Variants in ARSH observed in about 807,000 individuals in gnomAD.
The protein encoded by ARSH is arylsulfatase H.
Under a neutral mutation model 28.7 loss-of-function variants are expected in ARSH, and 32 were observed. That is an observed-to-expected ratio of 1.11 (90% CI 0.84 to 1.50). ARSH has a LOEUF of 1.50. Ranked by LOEUF, ARSH falls within the 40% of genes most tolerant of loss-of-function variation. The pLI is 0.00. For synonymous variants in ARSH, 176 were observed against 177.3 expected (o/e 0.99, Z 0.06); for missense variants, 440 against 452.4 (o/e 0.97, Z 0.25).
At chrX:3,012,121 G>A (rs2089848431) in intron 2 of ARSH, among the ~76,000 whole-genome samples, 1 of 112,379 alleles carries the variant, frequency 8.9e-6, no homozygotes, top group Admixed American at 9.5e-5. Flanking sequence ...ACAGGCGTAA[G>A]CCACTGAGCC....
chrX:3,023,886 T>G (rs1025516097), intron 5 of ARSH, 135 bp from the exon 6 acceptor site: 1 of 593,659 alleles, frequency 1.7e-6, no homozygotes, highest in Non-Finnish European at 2.5e-6. Flanking sequence ...ATTATATGAT[T>G]AATTATACAA....
At chrX:3,014,813 C>G (rs1462940372) in intron 3 of ARSH, among the ~76,000 whole-genome samples, 157 bp from the exon 4 acceptor site, 2 of 111,666 alleles carry the variant, frequency 1.8e-5, no homozygotes, top group Non-Finnish European at 3.8e-5. Flanking sequence ...GGTGGCATGT[C>G]TATACCAGGG....
intron 3 of ARSH, 89 bp from the exon 4 acceptor site, chrX:3,014,860 AACAGAATGAAAGTTATATTTG>A: frequency 1.3e-6 from 1 of 775,776 alleles, no homozygotes; most frequent in African/African-American, 2.1e-5. Flanking sequence ...CCATGATGAC[AACAGAATGAAAGTTATATTTG>A]ACTTTTCCAA....
chrX:3,009,559 G>A (rs1293065932), intron 1 of ARSH, among the ~76,000 whole-genome samples: 5 of 110,555 alleles, frequency 4.5e-5, no homozygotes, highest in Non-Finnish European at 9.5e-5. Flanking sequence ...GAGAGGCTGA[G>A]GTGGGAGGAT....
chrX:3,024,019 A>G lies in ARSH; in HGVS notation c.902-2A>G, dbSNP rs775902662. On this transcript the variant is annotated splice_acceptor_variant, in intron 5 of 8. Transcript: ENST00000381130. LOFTEE classifies it high-confidence loss of function. The stretch of plus-strand genomic sequence containing the variant: ...CGTCTTTGTGTCTCTGACCCTCTCC[A>G]GGTAAAATCCTGGATGCCCTGGACC... 4.1e-6 allele frequency: 5 copies of G among 1,210,132 alleles called. No individual in the cohort carries two copies. In the South Asian group the frequency reaches 8.8e-5, roughly 21 times the overall value.
At position 3,033,602 on chromosome X, in the gene ARSH, C is replaced by G. The variant is rs2089921217; in HGVS notation, c.*217C>G. On this transcript the variant is annotated 3_prime_UTR_variant, in exon 9 of 9. Transcript: ENST00000381130. Reference sequence around the variant, plus strand: ...GGAGCATTTGTTGTATAATTTTTTTCTAGTATATAATTGTGCCATTGCCCA... The same window carrying G: ...GGAGCATTTGTTGTATAATTTTTTTGTAGTATATAATTGTGCCATTGCCCA... The G allele has an allele frequency of 3.1e-6, 1 of 326,731 alleles. No homozygotes were observed. Among genetic ancestry groups the G allele is most frequent in the African/African-American group, 2.6e-5 (1 of 38,263 alleles). 26.9% of individuals were successfully genotyped at this position (326,731 alleles called of 1,213,427 possible). A position where few individuals can be genotyped will look rare whatever the true frequency, so the allele number is the denominator to read the frequency against.
At chrX:3,008,462 T>C (rs1255386821) in intron 1 of ARSH, among the ~76,000 whole-genome samples, 5 of 64,793 alleles carry the variant, frequency 7.7e-5, no homozygotes, top group Non-Finnish European at 1.5e-4. Flanking sequence ...TCTTTCTTTC[T>C]TTCTTTCTTT....
At chrX:3,020,639 GCTGC>G (rs1319865739) in intron 5 of ARSH, among the ~76,000 whole-genome samples, 2 of 108,562 alleles carry the variant, frequency 1.8e-5, no homozygotes, top group African/African-American at 6.7e-5. Context: ...GTGCTGCCAG[GCTGC>G]CAGTAAGGCA....
intron 2 of ARSH, among the ~76,000 whole-genome samples, chrX:3,012,472 C>T (rs1221322528): frequency 4.8e-5 from 4 of 82,761 alleles, no homozygotes; most frequent in East Asian, 4.6e-4. Flanking sequence ...ACCTGGGAGG[C>T]GGAGGTTGCA....
Position 3,015,358 on chromosome X carries a change from C to T in ARSH, c.729C>T (p.Ser243=). The change falls in exon 4 of 9, where the codon TCC becomes TCT. Residue 243 remains serine (S), a synonymous_variant. Coordinates refer to ENST00000381130, the MANE Select transcript of ARSH (RefSeq NM_001011719.2). ...QQPMKEEKVA[S]LMLKEALAFI... ...CAATGAAAGAGGAGAAAGTAGCTTC[C>T]CTCATGCTGAAGGAGGCACTTGCTT... 3 of 1,211,466 alleles carry T rather than the reference C, an allele frequency of 2.5e-6. No individual in the cohort carries two copies. The highest frequency in any genetic ancestry group is 5.9e-5 in the East Asian group (2 of 33,853).
At position 3,007,751 on chromosome X, in the gene ARSH, A is replaced by G. The variant is rs374881563; in HGVS notation, c.92+1047A>G. Among the ~76,000 whole-genome samples the G allele has an allele frequency of 4.1e-5, 4 of 97,184 alleles. No homozygotes were observed. In the East Asian group the frequency reaches 1.3e-3, roughly 32 times the overall value. The allele number at this position is 97,184 out of a possible 115,157, so 84.4% of individuals were successfully genotyped here. On this transcript the variant is annotated intron_variant, in intron 1 of 8. Transcript: ENST00000381130. ...AGACTGGGTGGCTTAGAAACAACAG[A>G]CATTGATTCTCCCACAGTCCTGGAG...
Position 3,033,307 on chromosome X carries a change from A to G in ARSH, c.1611A>G (p.Pro537=), listed in dbSNP as rs61978642. Residue 537 remains proline (P), a synonymous_variant, in exon 9 of 9, where the codon CCA becomes CCG. Transcript: ENST00000381130. ...QFSVFNTIWK[P]WLQPCCGTFP... is the part of the protein sequence containing the mutation. ...CTGTGTTCAACACAATTTGGAAACCATGGCTGCAGCCTTGCTGTGGGACCT... is the reference window on the plus strand; with the variant it reads ...CTGTGTTCAACACAATTTGGAAACCGTGGCTGCAGCCTTGCTGTGGGACCT... The G allele has an allele frequency of 0.023, 28,297 of 1,208,911 alleles. 285 individuals carry two copies. The highest frequency in any genetic ancestry group is 0.027 in the Middle Eastern group (117 of 4,291).
At chrX:3,012,568 AATATATATAT>A (rs1183166715) in intron 2 of ARSH, among the ~76,000 whole-genome samples, 4 of 21,812 alleles carry the variant, frequency 1.8e-4, no homozygotes, top group African/African-American at 1.0e-3. Flanking sequence ...AAAAAAAAAA[AATATATATAT>A]ATATATATAT....
intron 1 of ARSH, among the ~76,000 whole-genome samples, chrX:3,007,606 G>A (rs765609112): frequency 1.4e-4 from 16 of 111,017 alleles, no homozygotes; most frequent in Non-Finnish European, 2.8e-4. Flanking sequence ...TCCTGTCCTT[G>A]TAGATGCCGT....
rs766185856 is a variant in ARSH, at chrX:3,015,298, C to T, written c.669C>T (p.Cys223=). ...SSYGFTRRWN[C]ILMRNHEIIQ... ...ATGGATTTACTCGACGTTGGAATTGCATCCTTATGAGGAACCATGAAATTA... is the reference window on the plus strand; with the variant it reads ...ATGGATTTACTCGACGTTGGAATTGTATCCTTATGAGGAACCATGAAATTA... The change falls in exon 4 of 9, where the codon TGC becomes TGT. Residue 223 remains cysteine, a synonymous_variant. Transcript: ENST00000381130. 5 of 1,209,788 alleles carry T rather than the reference C, an allele frequency of 4.1e-6. No homozygotes were observed. The South Asian group carries it at 7.0e-5, about 17-fold the overall frequency.
chrX:3,027,602 G>A, intron 7 of ARSH, 127 bp downstream of exon 7: 1 of 738,639 alleles, frequency 1.4e-6, no homozygotes, highest in Admixed American at 3.8e-5. Context: ...CTGCCCATAG[G>A]GCCAGATGTC....
At chrX:3,007,090 A>T (rs181512459) in intron 1 of ARSH, among the ~76,000 whole-genome samples, 1,224 of 108,938 alleles carry the variant, frequency 0.011, 7 homozygotes, top group Middle Eastern at 0.033. Context: ...AAAATAATAA[A>T]AAAAAAAATC....
intron 2 of ARSH, among the ~76,000 whole-genome samples, chrX:3,012,636 A>G (rs1410616544): frequency 1.2e-5 from 1 of 80,431 alleles, no homozygotes; most frequent in Non-Finnish European, 2.3e-5. Context: ...ACACACACAT[A>G]TGAAAAAGAA....
At chrX:3,016,752 A>C (rs776697770) in intron 4 of ARSH, among the ~76,000 whole-genome samples, 1 of 110,317 alleles carries the variant, frequency 9.1e-6, no homozygotes, top group South Asian at 3.9e-4. Flanking sequence ...TAATTTTATA[A>C]AATTATTTTT....
Sources: gnomAD v4.1 joint callset for allele counts (sites outside exome capture counted in the v4.1 genomes callset) on GRCh38, gnomAD v4.1.1 for gene constraint, MANE v1.5 for transcripts, NCBI Gene and HGNC (gene_info 2026-07-23, HGNC 2026-07-21) for gene names.